Variants in NDC1 observed in about 807,000 individuals in gnomAD.
NDC1 encodes the protein NDC1 transmembrane nucleoporin.
NDC1 carries 24 observed loss-of-function variants against 89.8 expected under a neutral mutation model. The observed-to-expected ratio is 0.27, with a 90% CI of 0.19 to 0.38. The LOEUF (loss-of-function observed/expected upper bound fraction) is 0.38, where lower values mean the gene tolerates loss of function less well. Among genes scored for constraint, NDC1 ranks in the 10% least tolerant of loss-of-function variants. The pLI is 1.00. For missense variants in NDC1, 728 were observed against 797.6 expected, an observed-to-expected ratio of 0.91 and a Z score of 1.05; for synonymous variants, 296 against 284.8, an observed-to-expected ratio of 1.04 and a Z score of -0.39.
chr1:53,769,181 C>CA (rs1557560670), intron 17 of NDC1, among the ~76,000 whole-genome samples: 1 of 151,962 alleles, frequency 6.6e-6, no homozygotes, highest in African/African-American at 2.4e-5. Context: ...GACCCTGACT[C>CA]AAAAAAATTT....
rs1385625427 is a variant in NDC1, at chr1:53,788,133, A to G, written c.1700-875T>C. ...TTAGCAAGACCCTGTCTCTATACAA[A>G]AAATATAAAACTTAGCTGGGCGTGG... On this transcript the variant is annotated intron_variant, in intron 15 of 17. Coordinates refer to ENST00000371429, the MANE Select transcript of NDC1 (RefSeq NM_018087.5). Among the ~76,000 whole-genome samples the G allele has an allele frequency of 2.0e-5, 3 of 152,178 alleles. No individual in the cohort carries two copies. In the East Asian group the frequency reaches 5.8e-4, roughly 29 times the overall value.
chr1:53,772,955 C>A (rs923547784), intron 16 of NDC1, among the ~76,000 whole-genome samples: 11 of 151,732 alleles, frequency 7.2e-5, no homozygotes, highest in African/African-American at 1.9e-4. Context: ...GTTACCAGGC[C>A]CCCCCCAAAA....
intron 11 of NDC1, among the ~76,000 whole-genome samples, chr1:53,797,824 G>C (rs191539915): frequency 1.6e-3 from 247 of 151,854 alleles, no homozygotes; most frequent in African/African-American, 5.9e-3. Context: ...AGACAGATTC[G>C]CCATGTTTCC....
chr1:53,808,973 G>A (rs1394704018), intron 7 of NDC1, among the ~76,000 whole-genome samples: 1 of 152,202 alleles, frequency 6.6e-6, no homozygotes, highest in African/African-American at 2.4e-5. Context: ...AACACTGAGA[G>A]AGACTGACTT....
In NDC1 at chr1:53,796,958, C is replaced by G; in HGVS notation, c.1409G>C (p.Gly470Ala). The change falls in exon 12 of 18, where the codon GGG becomes GCG. Residue 470 changes from glycine to alanine, a missense_variant. Transcript: ENST00000371429. The stretch of plus-strand genomic sequence containing the variant: ...TATTAGCTGAGGACTTTGCGGTGAC[C>G]CATAGCAGGTGTTTACATCAAAAAT... ...AGIFDVNTCY[G>A]SPQSPQLIRR... 1.2e-6 allele frequency: 2 copies of G among 1,614,108 alleles called. No homozygotes were observed. The highest frequency in any genetic ancestry group is 1.7e-6 in the Non-Finnish European group (2 of 1,180,022).
At chr1:53,800,184 C>T (rs373489787) in intron 11 of NDC1, among the ~76,000 whole-genome samples, 14 of 152,030 alleles carry the variant, frequency 9.2e-5, no homozygotes, top group African/African-American at 3.4e-4. Flanking sequence ...GAGTGTACAA[C>T]GTGATGTTTT....
At chr1:53,807,182 C>T (rs949969108) in intron 8 of NDC1, among the ~76,000 whole-genome samples, 2 of 134,960 alleles carry the variant, frequency 1.5e-5, no homozygotes, top group African/African-American at 2.8e-5. Flanking sequence ...GGGAGGCAGA[C>T]GTTGCAGTGA....
At chr1:53,807,918 C>T (rs1469437731) in intron 7 of NDC1, 127 bp from the exon 8 acceptor site, 22 of 850,912 alleles carry the variant, frequency 2.6e-5, no homozygotes, top group African/African-American at 1.0e-4. Context: ...TCCTCTCCTT[C>T]GATATCTTTA....
intron 12 of NDC1, 21 bp downstream of exon 12, chr1:53,796,878 T>TA (rs1370667751): frequency 1.2e-6 from 2 of 1,608,480 alleles, no homozygotes; most frequent in East Asian, 2.2e-5. Flanking sequence ...TTTAAAATCT[T>TA]AAAAAATATA....
At chr1:53,789,525 C>T (rs1171351339) in intron 14 of NDC1, among the ~76,000 whole-genome samples, 2 of 152,184 alleles carry the variant, frequency 1.3e-5, no homozygotes, top group Admixed American at 6.5e-5. Context: ...TTTTAAAAAA[C>T]TTGGCTGGGG....
intron 2 of NDC1, among the ~76,000 whole-genome samples, chr1:53,833,181 A>G (rs1649121555): frequency 6.6e-6 from 1 of 152,094 alleles, no homozygotes; most frequent in African/African-American, 2.4e-5. Context: ...TCTTTCTTTC[A>G]AGACAGAGTA....
Position 53,768,052 on chromosome 1 carries a change from CA to C in NDC1, c.1962-20del. 1 of 1,573,624 alleles carries C rather than the reference CA, an allele frequency of 6.4e-7. No homozygotes were observed. The highest frequency in any genetic ancestry group is 8.7e-7 in the Non-Finnish European group (1 of 1,155,420). Reference sequence around the variant, plus strand: ...CACAGCACTAAATGAAACATAAATTCAAAGCATAAGCTTTATTTTACATTAA... The same window carrying C: ...CACAGCACTAAATGAAACATAAATTCAAGCATAAGCTTTATTTTACATTAA... On this transcript the variant is annotated intron_variant, in intron 17 of 17. Transcript: ENST00000371429.
intron 16 of NDC1, among the ~76,000 whole-genome samples, chr1:53,780,905 C>T (rs933389550): frequency 6.6e-6 from 1 of 151,266 alleles, no homozygotes; most frequent in Non-Finnish European, 1.5e-5. Flanking sequence ...TGTTGCCCAG[C>T]CTGGAGTACA....
At position 53,819,036 on chromosome 1, in the gene NDC1, A is replaced by C. The variant is rs1244494651; in HGVS notation, c.638T>G (p.Val213Gly). 6.9e-6 allele frequency: 11 copies of C among 1,583,976 alleles called. No homozygotes were observed. Among genetic ancestry groups the C allele is most frequent in the Non-Finnish European group, 9.4e-6 (11 of 1,168,558 alleles). Residue 213 changes from valine (V) to glycine (G), a missense_variant, in exon 6 of 18, where the codon GTT (valine) becomes GGT (glycine). Physicochemically the swap from Val to Gly is moderately radical, Grantham distance 109. Transcript: ENST00000371429. ...LRFRRSLLLL[V>G]KHSCVESLFL... ...CAGTGATTCCACACAACTGTGTTTA[A>C]CTAATAAGAGCAGAGATCTCCTAAA...
At chr1:53,831,627 C>A (rs1649070587) in intron 3 of NDC1, among the ~76,000 whole-genome samples, 1 of 151,542 alleles carries the variant, frequency 6.6e-6, no homozygotes, top group African/African-American at 2.4e-5. Flanking sequence ...AAGCTGAGAT[C>A]GCACCACTGC....
At chr1:53,777,215 G>T (rs1402812432) in intron 16 of NDC1, among the ~76,000 whole-genome samples, 1 of 152,006 alleles carries the variant, frequency 6.6e-6, no homozygotes, top group East Asian at 1.9e-4. Context: ...ATAGAGACAG[G>T]ATCTCGCTTT....
intron 6 of NDC1, among the ~76,000 whole-genome samples, chr1:53,815,062 T>C (rs971961612): frequency 6.6e-6 from 1 of 152,086 alleles, no homozygotes; most frequent in Non-Finnish European, 1.5e-5. Context: ...TTTGACACTA[T>C]TGCACAAGAT....
At chr1:53,823,370 C>G (rs1352366213) in intron 5 of NDC1, among the ~76,000 whole-genome samples, 1 of 152,158 alleles carries the variant, frequency 6.6e-6, no homozygotes, top group Non-Finnish European at 1.5e-5. Context: ...GAAGCCAAAG[C>G]TGAATATTAC....
At chr1:53,819,190 T>A in intron 5 of NDC1, 111 bp from the exon 6 acceptor site, 1 of 630,800 alleles carries the variant, frequency 1.6e-6, no homozygotes. Context: ...AACATAATTA[T>A]TGTATAAGAA....
Sources: gnomAD v4.1 joint callset for allele counts (sites outside exome capture counted in the v4.1 genomes callset) on GRCh38, gnomAD v4.1.1 for gene constraint, MANE v1.5 for transcripts, NCBI Gene and HGNC (gene_info 2026-07-23, HGNC 2026-07-21) for gene names.